Variants in SLX4IP observed in about 807,000 individuals in gnomAD.
SLX4IP encodes the protein SLX4 interacting protein.
SLX4IP carries 34 observed loss-of-function variants against 32.9 expected under a neutral mutation model. The ratio of observed to expected loss-of-function variants is 1.03; its 90% CI spans 0.79 to 1.38. The LOEUF is 1.38. Among genes scored for constraint, SLX4IP ranks in the 40% most tolerant of loss-of-function variants. The pLI is 0.00. For synonymous variants in SLX4IP, 172 were observed against 171.7 expected (o/e 1.00, Z -0.01); for missense variants, 444 against 479.0 (o/e 0.93, Z 0.68).
chr20:10,561,577 T>C (rs1049387475), intron 4 of SLX4IP, among the ~76,000 whole-genome samples: 1 of 151,728 alleles, frequency 6.6e-6, no homozygotes, highest in South Asian at 2.1e-4. Context: ...TAGTAAGTTC[T>C]TAAGTGGTGA....
chr20:10,583,379 G>A (rs1168145637), intron 4 of SLX4IP, among the ~76,000 whole-genome samples: 1 of 152,112 alleles, frequency 6.6e-6, no homozygotes, highest in Non-Finnish European at 1.5e-5. Flanking sequence ...AACAAGGTTG[G>A]TGTACACATT....
intron 2 of SLX4IP, among the ~76,000 whole-genome samples, chr20:10,548,341 C>A (rs1041518933): frequency 2.0e-5 from 3 of 152,110 alleles, no homozygotes; most frequent in East Asian, 1.9e-4. Context: ...CGGGTTCATG[C>A]CATTCTCCTG....
At chr20:10,508,592 C>T (rs551376403) in intron 2 of SLX4IP, among the ~76,000 whole-genome samples, 3 of 152,248 alleles carry the variant, frequency 2.0e-5, no homozygotes, top group South Asian at 4.2e-4. Flanking sequence ...TTCATGCTCC[C>T]GGGGGCTGCT....
intron 2 of SLX4IP, among the ~76,000 whole-genome samples, chr20:10,518,098 A>T (rs1275995780): frequency 1.3e-5 from 2 of 152,168 alleles, no homozygotes; most frequent in African/African-American, 4.8e-5. Context: ...TGATCTATGC[A>T]GCAAACCACC....
intron 2 of SLX4IP, among the ~76,000 whole-genome samples, chr20:10,532,061 T>C (rs1298803749): frequency 6.6e-6 from 1 of 152,192 alleles, no homozygotes; most frequent in East Asian, 1.9e-4. Flanking sequence ...TTTGCCTTTT[T>C]CACTGTGGGC....
chr20:10,578,647 C>T (rs555598953), intron 4 of SLX4IP, among the ~76,000 whole-genome samples: 44 of 152,272 alleles, frequency 2.9e-4, no homozygotes, highest in Middle Eastern at 3.4e-3. Flanking sequence ...AACATATTGA[C>T]GAACTTCCAG....
chr20:10,512,834 T>C (rs961985710), intron 2 of SLX4IP, among the ~76,000 whole-genome samples: 4 of 105,266 alleles, frequency 3.8e-5, no homozygotes, highest in African/African-American at 1.7e-4. Context: ...TTGTTGTTGT[T>C]ATTGCCTAGG....
chr20:10,500,024 C>G (rs186005015), intron 2 of SLX4IP, among the ~76,000 whole-genome samples: 49 of 151,682 alleles, frequency 3.2e-4, no homozygotes, highest in African/African-American at 1.0e-3. Context: ...GTCAGGAGAC[C>G]AGAAGATTAT....
chr20:10,464,145 G>A (rs1375753348), intron 2 of SLX4IP, among the ~76,000 whole-genome samples: 1 of 152,166 alleles, frequency 6.6e-6, no homozygotes, highest in Admixed American at 6.5e-5. Context: ...GTTGGAGTGA[G>A]AGAGGGGGCT....
At chr20:10,455,434 G>A (rs1341468215) in intron 1 of SLX4IP, among the ~76,000 whole-genome samples, 1 of 151,810 alleles carries the variant, frequency 6.6e-6, no homozygotes, top group East Asian at 1.9e-4. Context: ...TTATTATTTG[G>A]CATATGGATA....
intron 6 of SLX4IP, among the ~76,000 whole-genome samples, chr20:10,602,342 C>T (rs528936698): frequency 1.3e-5 from 2 of 152,256 alleles, no homozygotes; most frequent in African/African-American, 4.8e-5. Context: ...GTCTCCTTCT[C>T]TGTCTCCCTT....
intron 1 of SLX4IP, among the ~76,000 whole-genome samples, chr20:10,438,488 T>A (rs1376393670): frequency 6.8e-6 from 1 of 146,900 alleles, no homozygotes; most frequent in Non-Finnish European, 1.5e-5. Context: ...TTTTTTTTTT[T>A]TTTTTTTGAG....
At position 10,518,445 on chromosome 20, in the gene SLX4IP, TC is replaced by T. The variant is rs879507037; in HGVS notation, c.28-37784del. 7.2e-3 allele frequency among the ~76,000 whole-genome samples: 630 copies of T among 87,678 alleles called. 39 individuals are homozygous for T. The highest frequency in any genetic ancestry group is 0.043 in the Admixed American group (360 of 8,330). The allele number at this position is 87,678 out of a possible 152,430, so 57.5% of individuals were successfully genotyped here. A position where few individuals can be genotyped will look rare whatever the true frequency, so the allele number is the denominator to read the frequency against. On this transcript the variant is annotated intron_variant, in intron 2 of 7. Coordinates refer to ENST00000334534, the MANE Select transcript of SLX4IP (RefSeq NM_001009608.3). ...CTTCCCTCCCTCCCTCCTTCTTCCT[TC>T]CTTCCTTCCTTCCTTCCTTTCCTTT...
chr20:10,549,202 C>A (rs1007446591), intron 2 of SLX4IP, among the ~76,000 whole-genome samples: 8 of 152,180 alleles, frequency 5.3e-5, no homozygotes, highest in African/African-American at 1.7e-4. Flanking sequence ...TTGCTGTCAT[C>A]CTCTGCTGCA....
In SLX4IP at chr20:10,621,369, C is replaced by G. The variant is rs748726054; in HGVS notation, c.461C>G (p.Ser154Ter). 6 of 1,614,158 alleles carry G rather than the reference C, an allele frequency of 3.7e-6. No individual in the cohort carries two copies. Among genetic ancestry groups the G allele is most frequent in the Non-Finnish European group, 5.1e-6 (6 of 1,180,034 alleles). The change falls in exon 7 of 8, where the codon TCA (serine) becomes TGA (stop). Residue 154 changes from serine (S) to a stop codon, truncating the protein, a stop_gained. Coordinates refer to ENST00000334534, the MANE Select transcript of SLX4IP (RefSeq NM_001009608.3). LOFTEE classifies it high-confidence loss of function. ...TACTTTGCTGAGTGTGCAGAGAGTT[C>G]ACTTCCTCCCAGTGCAAAGCTCCGG... is the stretch of plus-strand genomic sequence containing the variant. Reference protein sequence around the residue: ...SDYFAECAESSLPPSAKLRRN... With the variant: ...SDYFAECAES
chr20:10,582,594 A>T (rs1004844581), intron 4 of SLX4IP, among the ~76,000 whole-genome samples: 5 of 152,114 alleles, frequency 3.3e-5, no homozygotes, highest in Admixed American at 2.6e-4. Context: ...GTATCTATAA[A>T]TCTATATTTT....
intron 2 of SLX4IP, among the ~76,000 whole-genome samples, chr20:10,485,178 G>C (rs2065561311): frequency 6.6e-6 from 1 of 151,930 alleles, no homozygotes; most frequent in Non-Finnish European, 1.5e-5. Flanking sequence ...AAGCTTGTTG[G>C]GGTTATTGAT....
At chr20:10,578,309 T>C (rs1469048160) in intron 4 of SLX4IP, among the ~76,000 whole-genome samples, 1 of 152,252 alleles carries the variant, frequency 6.6e-6, no homozygotes, top group African/African-American at 2.4e-5. Context: ...GTTCTGGACA[T>C]TTCATACAAA....
intron 4 of SLX4IP, among the ~76,000 whole-genome samples, chr20:10,582,253 G>A (rs564898156): frequency 6.6e-6 from 1 of 152,274 alleles, no homozygotes; most frequent in South Asian, 2.1e-4. Flanking sequence ...CCAGACACCT[G>A]ATCTGACACT....
Sources: allele counts gnomAD v4.1 joint callset (sites outside exome capture counted in the v4.1 genomes callset), GRCh38; gene constraint gnomAD v4.1.1; transcripts MANE v1.5; gene names NCBI Gene and HGNC (gene_info 2026-07-23, HGNC 2026-07-21).